The following GARIN2 variants were observed in gnomAD, a reference collection of about 807,000 sequenced individuals.
The protein encoded by GARIN2 is golgi associated RAB2 interactor family member 2, also known as Golgi-associated RAB2 interactor protein 2.
chr14:67,202,220 C>A, the GARIN2 span, among the ~76,000 whole-genome samples: 1 of 152,228 alleles, frequency 6.6e-6, no homozygotes, highest in South Asian at 2.1e-4. Flanking sequence ...GTGGGTGGAT[C>A]ACCCGAGGTC....
chr14:67,217,906 TC>T, the GARIN2 span, among the ~76,000 whole-genome samples: 1 of 152,214 alleles, frequency 6.6e-6, no homozygotes, highest in Non-Finnish European at 1.5e-5. Flanking sequence ...AAAAAATGCC[TC>T]CTCCAATTTT....
chr14:67,194,256 C>A, the GARIN2 span, among the ~76,000 whole-genome samples: 1 of 150,750 alleles, frequency 6.6e-6, no homozygotes, highest in Non-Finnish European at 1.5e-5. Context: ...CCCAACTACT[C>A]GGGAGGCTGA....
the GARIN2 span, among the ~76,000 whole-genome samples, chr14:67,202,160 G>A: frequency 6.6e-6 from 1 of 152,180 alleles, no homozygotes; most frequent in Non-Finnish European, 1.5e-5. Flanking sequence ...TAAATTATAG[G>A]CCAGGCACAG....
chr14:67,193,804 G>A, the GARIN2 span, among the ~76,000 whole-genome samples: 45 of 148,910 alleles, frequency 3.0e-4, no homozygotes, highest in Non-Finnish European at 1.6e-4. Context: ...AATTAGCTGG[G>A]TATGGTAGCG....
chr14:67,203,019 C>T, the GARIN2 span: 25 of 1,472,180 alleles, frequency 1.7e-5, no homozygotes, highest in Non-Finnish European at 2.2e-5. Context: ...CCCTCTCTTA[C>T]ACTTCTCAGG....
At chr14:67,207,459 C>T in the GARIN2 span, among the ~76,000 whole-genome samples, 22 of 152,158 alleles carry the variant, frequency 1.4e-4, no homozygotes, top group Admixed American at 8.5e-4. Flanking sequence ...GATCTGCCCC[C>T]GAGACCTAAA....
At chr14:67,190,001 C>A in the GARIN2 span, among the ~76,000 whole-genome samples, 3 of 149,808 alleles carry the variant, frequency 2.0e-5, no homozygotes, top group African/African-American at 7.4e-5. Flanking sequence ...CCATCACGCC[C>A]AGCTAATTTT....
chr14:67,212,638 A>ATATATATATG, the GARIN2 span, among the ~76,000 whole-genome samples: 98 of 145,912 alleles, frequency 6.7e-4, no homozygotes, highest in African/African-American at 2.3e-3. Context: ...TATATAATAT[A>ATATATATATG]TATTACATAT....
At chr14:67,190,488 T>A in the GARIN2 span, among the ~76,000 whole-genome samples, 1 of 151,252 alleles carries the variant, frequency 6.6e-6, no homozygotes, top group Non-Finnish European at 1.5e-5. Flanking sequence ...CTCCCAAAGT[T>A]CTGGGATTAC....
the GARIN2 span, among the ~76,000 whole-genome samples, chr14:67,219,501 C>G: frequency 6.6e-6 from 1 of 152,190 alleles, no homozygotes; most frequent in African/African-American, 2.4e-5. Flanking sequence ...ACAGGTGTCT[C>G]TAGTCAGCCA....
At chr14:67,194,969 T>C in the GARIN2 span, among the ~76,000 whole-genome samples, 1 of 152,146 alleles carries the variant, frequency 6.6e-6, no homozygotes, top group Non-Finnish European at 1.5e-5. Context: ...AGCCTCAAAG[T>C]GCTAAGATTA....
the GARIN2 span, among the ~76,000 whole-genome samples, chr14:67,206,725 T>TTTATTA: frequency 9.9e-5 from 15 of 151,296 alleles, 1 homozygote; most frequent in East Asian, 7.8e-4. Flanking sequence ...CAAGCAATAA[T>TTTATTA]TTATTATTAT....
the GARIN2 span, among the ~76,000 whole-genome samples, chr14:67,195,752 T>C: frequency 1.3e-5 from 2 of 151,754 alleles, no homozygotes; most frequent in Non-Finnish European, 2.9e-5. Context: ...TGTGTGTGTG[T>C]GTGTGTTTTG....
At chr14:67,197,086 A>C in the GARIN2 span, 2 of 152,024 alleles carry the variant, frequency 1.3e-5, no homozygotes, top group Non-Finnish European at 2.9e-5. Flanking sequence ...GCACCACCAC[A>C]CCTGGCTAAT....
the GARIN2 span, among the ~76,000 whole-genome samples, chr14:67,223,022 T>C: frequency 4.5e-3 from 633 of 139,396 alleles, 3 homozygotes; most frequent in African/African-American, 0.017. Flanking sequence ...TTTTTTGAGA[T>C]GGGGTCTCCC....
At chr14:67,225,796 A>G in the GARIN2 span, among the ~76,000 whole-genome samples, 2 of 152,182 alleles carry the variant, frequency 1.3e-5, no homozygotes, top group Non-Finnish European at 2.9e-5. Context: ...CCAGCTCTGC[A>G]GTGCGTTGCT....
the GARIN2 span, among the ~76,000 whole-genome samples, chr14:67,191,962 C>T: frequency 6.6e-6 from 1 of 152,188 alleles, no homozygotes; most frequent in Non-Finnish European, 1.5e-5. Flanking sequence ...TCAGTTGGAA[C>T]TTGAAAAACA....
the GARIN2 span, among the ~76,000 whole-genome samples, chr14:67,215,183 T>C: frequency 1.6e-3 from 247 of 152,266 alleles, no homozygotes; most frequent in African/African-American, 5.7e-3. Flanking sequence ...TGGCTTCTCC[T>C]GAAGCCCTAC....
chr14:67,206,165 C>A, the GARIN2 span, among the ~76,000 whole-genome samples: 33 of 151,992 alleles, frequency 2.2e-4, no homozygotes, highest in Admixed American at 1.6e-3. Flanking sequence ...GCCTGGGTAA[C>A]AGTCACACCC....
Sources: gnomAD v4.1 joint callset for allele counts (sites outside exome capture counted in the v4.1 genomes callset) on GRCh38, gnomAD v4.1.1 for gene constraint, MANE v1.5 for transcripts, NCBI Gene and HGNC (gene_info 2026-07-23, HGNC 2026-07-21) for gene names.